Variants in EYS observed in about 807,000 individuals in gnomAD.
EYS encodes EGF-like photoreceptor maintenance factor, also known as protein eyes shut homolog.
EYS carries 250 observed loss-of-function variants against 282.1 expected under a neutral mutation model. The observed-to-expected ratio is 0.89, with a 90% confidence interval of 0.80 to 0.98. The LOEUF (loss-of-function observed/expected upper bound fraction) is 0.98. EYS is among the 50% of genes least tolerant of loss of function. The probability of loss-of-function intolerance (pLI) is 0.00; values close to 1 mark genes in which losing one functional copy is unlikely to be tolerated. For synonymous variants in EYS, 1,355 were observed against 1,282.9 expected, an observed-to-expected ratio of 1.06 and a Z score of -1.20; for missense variants, 4,016 against 3,709.0, an observed-to-expected ratio of 1.08 and a Z score of -2.15.
chr6:65,574,235 C>A (rs764425537), intron 2 of EYS, among the ~76,000 whole-genome samples: 26 of 152,134 alleles, frequency 1.7e-4, no homozygotes, highest in Non-Finnish European at 2.6e-4. Flanking sequence ...CCAAGAGCAA[C>A]CCACTAGCTA....
chr6:65,150,816 T>G, intron 12 of EYS, among the ~76,000 whole-genome samples: 1 of 152,174 alleles, frequency 6.6e-6, no homozygotes, highest in East Asian at 1.9e-4. Flanking sequence ...ATTTATTGTT[T>G]AATAATGTTT....
At chr6:63,861,289 C>T (rs75391228) in intron 36 of EYS, among the ~76,000 whole-genome samples, 3 of 152,202 alleles carry the variant, frequency 2.0e-5, no homozygotes, top group African/African-American at 4.8e-5. Context: ...CACACTCTTC[C>T]CAGCAAGTTC....
At chr6:65,534,219 G>A (rs1350521467) in intron 2 of EYS, among the ~76,000 whole-genome samples, 1 of 152,082 alleles carries the variant, frequency 6.6e-6, no homozygotes, top group Non-Finnish European at 1.5e-5. Flanking sequence ...TGTGAGAGAG[G>A]CATGATGCTG....
intron 33 of EYS, among the ~76,000 whole-genome samples, chr6:64,037,412 A>G (rs1770174555): frequency 1.3e-5 from 2 of 152,234 alleles, no homozygotes; most frequent in African/African-American, 4.8e-5. Context: ...GAATATTAAT[A>G]GAAAACCAGA....
At chr6:65,617,985 C>T (rs1269631033) in intron 2 of EYS, among the ~76,000 whole-genome samples, 12 of 152,004 alleles carry the variant, frequency 7.9e-5, no homozygotes, top group African/African-American at 2.7e-4. Context: ...CAAGTCTTTG[C>T]TATTGTGAAT....
rs114427972 is a variant in EYS, at chr6:64,436,376, G to A, written c.5836-111C>T. 3.2e-3 allele frequency: 1,935 copies of A among 613,224 alleles called. 33 individuals carry two copies. The highest frequency in any genetic ancestry group is 0.029 in the African/African-American group (1,592 of 54,022). 38.0% of individuals were successfully genotyped at this position (613,224 alleles called of 1,614,324 possible). Reference sequence around the variant, plus strand: ...AATATATTTTACATCACTTTGGAGAGACATGAAGTTTGAAACTTAAAGAGA... The same window carrying A: ...AATATATTTTACATCACTTTGGAGAAACATGAAGTTTGAAACTTAAAGAGA... On this transcript the variant is annotated intron_variant, in intron 27 of 42. Transcript: ENST00000503581.
At chr6:65,385,309 CTGTTA>C (rs1765758283) in intron 7 of EYS, among the ~76,000 whole-genome samples, 1 of 151,804 alleles carries the variant, frequency 6.6e-6, no homozygotes, top group Non-Finnish European at 1.5e-5. Flanking sequence ...TATTTTAAAT[CTGTTA>C]TAAGAACACA....
At chr6:64,026,632 A>T (rs1769529250) in intron 33 of EYS, among the ~76,000 whole-genome samples, 1 of 152,188 alleles carries the variant, frequency 6.6e-6, no homozygotes, top group Non-Finnish European at 1.5e-5. Context: ...GAGAATACAC[A>T]ATATGCAAAG....
At chr6:63,795,014 A>C (rs1220297071) in intron 37 of EYS, among the ~76,000 whole-genome samples, 1 of 152,200 alleles carries the variant, frequency 6.6e-6, no homozygotes, top group Non-Finnish European at 1.5e-5. Context: ...ACTCTACATG[A>C]ATAGTAGTTA....
rs148803181 is a variant in EYS at position 64,170,155 on chromosome 6, C to A, written c.6424+60437G>T. On this transcript the variant is annotated intron_variant, in intron 31 of 42. Transcript: ENST00000503581. Reference sequence around the variant, plus strand: ...TTAAACTTCACTAGGTTTGCTTTTCCGCATTGTCCCACTCTCAAAAAAGAA... The same window carrying A: ...TTAAACTTCACTAGGTTTGCTTTTCAGCATTGTCCCACTCTCAAAAAAGAA... Among the ~76,000 whole-genome samples the A allele has an allele frequency of 2.0e-5, 3 of 152,108 alleles. No individual in the cohort carries two copies. The East Asian group carries it at 5.8e-4, about 30-fold the overall frequency.
chr6:64,870,550 A>C (rs1766565484), intron 19 of EYS, among the ~76,000 whole-genome samples: 1 of 151,690 alleles, frequency 6.6e-6, no homozygotes, highest in Admixed American at 6.6e-5. Context: ...AGGAAACAGG[A>C]AAAGATGGCC....
intron 14 of EYS, among the ~76,000 whole-genome samples, chr6:64,996,482 A>G (rs1771268626): frequency 6.6e-6 from 1 of 152,198 alleles, no homozygotes; most frequent in Non-Finnish European, 1.5e-5. Context: ...CCCTTGCCTC[A>G]GAGACCAGCA....
chr6:64,090,888 C>G (rs1156734636), intron 31 of EYS, among the ~76,000 whole-genome samples: 5 of 152,094 alleles, frequency 3.3e-5, no homozygotes, highest in African/African-American at 4.8e-5. Context: ...TGTCTTCATT[C>G]CTTTCATATC....
At chr6:65,320,058 C>A (rs1355888879) in intron 11 of EYS, among the ~76,000 whole-genome samples, 1 of 151,076 alleles carries the variant, frequency 6.6e-6, no homozygotes, top group Non-Finnish European at 1.5e-5. Flanking sequence ...AATAATAGAA[C>A]AGAAAAGGAG....
In EYS at chr6:63,824,617, C is replaced by A. The variant is rs1771409143; in HGVS notation, c.7229-18245G>T. On this transcript the variant is annotated intron_variant, in intron 36 of 42. Transcript: ENST00000503581. ...GAAAAGGAGACCCTCCTCTCCCGAG[C>A]ACATACCTCCATTGGAGAAGCTGAA... is the stretch of plus-strand genomic sequence containing the variant. Among the ~76,000 whole-genome samples, 3 of 152,190 alleles carry A rather than the reference C, an allele frequency of 2.0e-5. No individual in the cohort carries two copies. The South Asian group carries it at 6.2e-4, about 32-fold the overall frequency.
intron 1 of EYS, among the ~76,000 whole-genome samples, chr6:65,686,641 A>G (rs547386835): frequency 2.6e-5 from 4 of 152,270 alleles, no homozygotes; most frequent in African/African-American, 7.2e-5. Context: ...AATACAAATG[A>G]ACTTTTAAAA....
intron 2 of EYS, among the ~76,000 whole-genome samples, chr6:65,536,693 T>G (rs1007600759): frequency 6.6e-6 from 1 of 151,944 alleles, no homozygotes; most frequent in African/African-American, 2.4e-5. Flanking sequence ...AGGCCAGAAA[T>G]CAAACAAAAA....
intron 19 of EYS, among the ~76,000 whole-genome samples, chr6:64,845,181 C>A (rs1321199373): frequency 6.6e-6 from 1 of 151,916 alleles, no homozygotes; most frequent in South Asian, 2.1e-4. Flanking sequence ...GTTCCAGCTA[C>A]TCAGGAAGCT....
chr6:64,820,235 T>C (rs920212918), intron 21 of EYS, among the ~76,000 whole-genome samples: 2 of 152,054 alleles, frequency 1.3e-5, no homozygotes, highest in African/African-American at 4.8e-5. Context: ...TTTGCTCTTA[T>C]GTTAAAATAA....
Sources: gnomAD v4.1 joint callset for allele counts (sites outside exome capture counted in the v4.1 genomes callset) on GRCh38, gnomAD v4.1.1 for gene constraint, MANE v1.5 for transcripts, NCBI Gene and HGNC (gene_info 2026-07-23, HGNC 2026-07-21) for gene names.